The following MDGA2 variants were observed in gnomAD, a reference collection of about 807,000 sequenced individuals.
The protein encoded by MDGA2 is MAM domain containing glycosylphosphatidylinositol anchor 2, also known as MAM domain-containing glycosylphosphatidylinositol anchor protein 2.
In MDGA2, 40 loss-of-function variants were observed where a neutral mutation model predicts 117.8. That is an observed-to-expected ratio of 0.34 (90% CI 0.26 to 0.44). The LOEUF (loss-of-function observed/expected upper bound fraction) is 0.44, where lower values mean the gene tolerates loss of function less well. Among genes scored for constraint, MDGA2 ranks in the 20% least tolerant of loss-of-function variants. MDGA2 has a pLI of 1.00. For synonymous variants in MDGA2, 452 were observed against 439.0 expected, an observed-to-expected ratio of 1.03 and a Z score of -0.37; for missense variants, 1,123 against 1,250.6, an observed-to-expected ratio of 0.90 and a Z score of 1.54.
At chr14:47,234,821 T>C (rs185815604) in intron 2 of MDGA2, among the ~76,000 whole-genome samples, 5 of 152,298 alleles carry the variant, frequency 3.3e-5, no homozygotes, top group Admixed American at 1.3e-4. Context: ...CATTGTATTA[T>C]AAAAATGTAT....
intron 8 of MDGA2, among the ~76,000 whole-genome samples, chr14:47,012,098 T>A (rs1007484988): frequency 8.5e-5 from 13 of 152,052 alleles, no homozygotes; most frequent in Non-Finnish European, 1.3e-4. Context: ...ATTAAAATAG[T>A]GTATGATGAC....
At position 47,458,106 on chromosome 14, in the gene MDGA2, T is replaced by G. The variant is rs147882940; in HGVS notation, c.281-156556A>C. On this transcript the variant is annotated intron_variant, in intron 1 of 16. Coordinates refer to ENST00000399232, the MANE Select transcript of MDGA2 (RefSeq NM_001113498.3). ...TAAGTCTTCTTTGAGAAAATGTCTA[T>G]TCAGGCACTTTGGCCATTTTTAAAT... Among the ~76,000 whole-genome samples, 474 of 152,182 alleles carry G rather than the reference T, an allele frequency of 3.1e-3. 1 individual carries two copies. The highest frequency in any genetic ancestry group is 0.011 in the African/African-American group (451 of 41,544).
chr14:47,249,104 G>A (rs752707323), intron 2 of MDGA2, among the ~76,000 whole-genome samples: 12 of 150,716 alleles, frequency 8.0e-5, no homozygotes, highest in East Asian at 2.0e-4. Context: ...TGCAACCTCC[G>A]CCTCTGAAGT....
chr14:47,278,726 C>G (rs937299869), intron 2 of MDGA2, among the ~76,000 whole-genome samples: 30 of 152,208 alleles, frequency 2.0e-4, no homozygotes, highest in African/African-American at 6.7e-4. Flanking sequence ...GCATATGACA[C>G]ACAATTCAAA....
At chr14:47,038,618 A>T (rs1428552733) in intron 7 of MDGA2, among the ~76,000 whole-genome samples, 1 of 152,026 alleles carries the variant, frequency 6.6e-6, no homozygotes, top group Non-Finnish European at 1.5e-5. Context: ...AAATAGCAAA[A>T]TCTAGCTAAA....
At chr14:47,434,715 C>T (rs1483716349) in intron 1 of MDGA2, among the ~76,000 whole-genome samples, 5 of 152,076 alleles carry the variant, frequency 3.3e-5, no homozygotes, top group East Asian at 1.9e-4. Context: ...ATTTTCACCT[C>T]GTAGTTACTT....
intron 7 of MDGA2, among the ~76,000 whole-genome samples, chr14:47,041,076 T>C (rs1048290052): frequency 2.0e-5 from 3 of 152,224 alleles, no homozygotes; most frequent in Non-Finnish European, 4.4e-5. Context: ...TAATGAAATA[T>C]AGTAATTCTA....
At chr14:47,000,984 T>C (rs2138487101) in intron 8 of MDGA2, among the ~76,000 whole-genome samples, 1 of 151,858 alleles carries the variant, frequency 6.6e-6, no homozygotes, top group East Asian at 1.9e-4. Flanking sequence ...GAGAAAAAAA[T>C]ACTACATCAT....
chr14:46,948,094 C>A (rs1294929325), intron 9 of MDGA2, among the ~76,000 whole-genome samples: 4 of 151,936 alleles, frequency 2.6e-5, no homozygotes, highest in Non-Finnish European at 5.9e-5. Context: ...CATTTTTATA[C>A]CCATTGTCAT....
At chr14:47,079,037 A>G (rs1274522824) in intron 6 of MDGA2, among the ~76,000 whole-genome samples, 1 of 152,094 alleles carries the variant, frequency 6.6e-6, no homozygotes, top group Non-Finnish European at 1.5e-5. Context: ...TGAGATGAAA[A>G]AAAAAAAAGG....
At chr14:47,403,570 C>T (rs1234310220) in intron 1 of MDGA2, among the ~76,000 whole-genome samples, 1 of 152,134 alleles carries the variant, frequency 6.6e-6, no homozygotes, top group Non-Finnish European at 1.5e-5. Context: ...CTGCCATTGT[C>T]TCAACTCATA....
chr14:47,353,776 G>A (rs1381354550), intron 1 of MDGA2, among the ~76,000 whole-genome samples: 1 of 152,116 alleles, frequency 6.6e-6, no homozygotes, highest in African/African-American at 2.4e-5. Flanking sequence ...CCAAAGAACT[G>A]AAGAGGTGGG....
chr14:47,011,778 G>C (rs1887903856), intron 8 of MDGA2, among the ~76,000 whole-genome samples: 1 of 151,972 alleles, frequency 6.6e-6, no homozygotes, highest in Admixed American at 6.6e-5. Flanking sequence ...CCAAAGGAAA[G>C]TAGAGAATAT....
chr14:47,483,898 C>T (rs920250121), intron 1 of MDGA2, among the ~76,000 whole-genome samples: 2 of 152,120 alleles, frequency 1.3e-5, no homozygotes, highest in East Asian at 3.9e-4. Context: ...ATTCCCACTC[C>T]TCAGCAATTT....
chr14:47,121,376 C>A (rs147951029), intron 5 of MDGA2, among the ~76,000 whole-genome samples: 19 of 152,008 alleles, frequency 1.2e-4, no homozygotes, highest in Admixed American at 9.8e-4. Context: ...CTCTAACATG[C>A]ATAATAGTAA....
chr14:47,221,257 G>A (rs1366790404), intron 2 of MDGA2, among the ~76,000 whole-genome samples: 2 of 151,938 alleles, frequency 1.3e-5, no homozygotes, highest in South Asian at 2.1e-4. Flanking sequence ...AAGTTACTCT[G>A]GAATCTTAAA....
intron 7 of MDGA2, among the ~76,000 whole-genome samples, chr14:47,039,970 T>C (rs1889004451): frequency 6.6e-6 from 1 of 152,130 alleles, no homozygotes. Flanking sequence ...CTTGCTTCAC[T>C]ATAGCAACCA....
chr14:47,153,310 A>T (rs529110973), intron 3 of MDGA2, among the ~76,000 whole-genome samples: 1 of 152,270 alleles, frequency 6.6e-6, no homozygotes, highest in South Asian at 2.1e-4. Context: ...GAGGAGGCTT[A>T]ACTGAACTGA....
intron 1 of MDGA2, among the ~76,000 whole-genome samples, chr14:47,586,926 T>C (rs868695032): frequency 1.3e-5 from 2 of 152,138 alleles, no homozygotes; most frequent in Middle Eastern, 3.4e-3. Flanking sequence ...TCATTGTCCA[T>C]TGCATTGTCT....
Sources: gnomAD v4.1 joint callset for allele counts (sites outside exome capture counted in the v4.1 genomes callset) on GRCh38, gnomAD v4.1.1 for gene constraint, MANE v1.5 for transcripts, NCBI Gene and HGNC (gene_info 2026-07-23, HGNC 2026-07-21) for gene names.